CEP162: variants seen among roughly 807,000 people sequenced by gnomAD.
CEP162 encodes centrosomal protein 162.
CEP162 carries 141 observed loss-of-function variants against 169.2 expected under a neutral mutation model. The ratio of observed to expected loss-of-function variants is 0.83; its 90% CI spans 0.73 to 0.96. CEP162 has a LOEUF of 0.96. CEP162 is among the 40% of genes least tolerant of loss of function. The probability of loss-of-function intolerance (pLI) is 0.00; values close to 1 mark genes in which losing one functional copy is unlikely to be tolerated. For synonymous variants in CEP162, 540 were observed against 526.4 expected (o/e 1.03, Z -0.35); for missense variants, 1,600 against 1,587.2 (o/e 1.01, Z -0.14).
Position 84,212,948 on chromosome 6 carries a change from T to C in CEP162, c.571+9A>G, listed in dbSNP as rs1588885385. 6.7e-7 allele frequency: 1 copy of C among 1,501,338 alleles called. No individual in the cohort carries two copies. The highest frequency in any genetic ancestry group is 9.1e-7 in the Non-Finnish European group (1 of 1,103,786). The allele number at this position is 1,501,338 out of a possible 1,614,324, so 93.0% of individuals were successfully genotyped here. ...CAAATATTATAAATTTAAGAACCAA[T>C]GAAATTACCTGCCAGTTCTTCATGT... On this transcript the variant is annotated intron_variant, in intron 6 of 26. Transcript: ENST00000403245.
chr6:84,213,137 G>T, intron 5 of CEP162, 113 bp from the exon 6 acceptor site: 1 of 592,466 alleles, frequency 1.7e-6, no homozygotes, highest in Non-Finnish European at 2.8e-6. Context: ...CCTCTCTCAA[G>T]TCCTTTTGTT....
chr6:84,125,280 C>T lies in CEP162; in HGVS notation c.4006-4G>A. ...CTTGGTGTGTTTGCTGTATTATCTGCAAATACAAAAATTCCACATTGCTGT... is the reference window on the plus strand; with the variant it reads ...CTTGGTGTGTTTGCTGTATTATCTGTAAATACAAAAATTCCACATTGCTGT... On this transcript the variant is annotated splice_region_variant and splice_polypyrimidine_tract_variant and intron_variant, in intron 26 of 26. Coordinates refer to ENST00000403245, the MANE Select transcript of CEP162 (RefSeq NM_014895.4). 1 of 1,611,914 alleles carries T rather than the reference C, an allele frequency of 6.2e-7. No individual in the cohort carries two copies. Among genetic ancestry groups the T allele is most frequent in the East Asian group, 2.2e-5 (1 of 44,850 alleles).
intron 22 of CEP162, 66 bp from the exon 23 acceptor site, chr6:84,153,245 C>G (rs986553869): frequency 6.3e-6 from 9 of 1,427,180 alleles, no homozygotes; most frequent in Non-Finnish European, 8.5e-6. Flanking sequence ...TGAAGCCCTG[C>G]ACACTACTGG....
chr6:84,218,224 G>C (rs1291763568), intron 3 of CEP162, among the ~76,000 whole-genome samples: 1 of 152,156 alleles, frequency 6.6e-6, no homozygotes, highest in Non-Finnish European at 1.5e-5. Context: ...GAACAGGCAG[G>C]GGACACAGTA....
intron 11 of CEP162, among the ~76,000 whole-genome samples, chr6:84,190,547 C>T (rs2099539425): frequency 6.6e-6 from 1 of 152,030 alleles, no homozygotes; most frequent in Admixed American, 6.5e-5. Context: ...CTCCTGAGCC[C>T]AGCGAGACCA....
At chr6:84,127,847 G>A (rs980357839) in intron 25 of CEP162, among the ~76,000 whole-genome samples, 2 of 152,158 alleles carry the variant, frequency 1.3e-5, no homozygotes, top group African/African-American at 4.8e-5. Flanking sequence ...AGTGAGATAA[G>A]TGAGAACACC....
intron 18 of CEP162, among the ~76,000 whole-genome samples, chr6:84,166,600 C>A (rs1372336011): frequency 6.6e-6 from 1 of 152,094 alleles, no homozygotes; most frequent in Non-Finnish European, 1.5e-5. Flanking sequence ...GGATGAGTGC[C>A]TGGTATATGG....
chr6:84,138,487 C>A (rs1009704009), intron 25 of CEP162, among the ~76,000 whole-genome samples: 3 of 152,140 alleles, frequency 2.0e-5, no homozygotes, highest in Admixed American at 1.3e-4. Flanking sequence ...TCAAACTAGT[C>A]TTGTCAAAAC....
chr6:84,183,522 C>G (rs938875912), intron 13 of CEP162, among the ~76,000 whole-genome samples: 8 of 152,190 alleles, frequency 5.3e-5, no homozygotes, highest in African/African-American at 1.9e-4. Flanking sequence ...GTTTTGCCAC[C>G]TCACACCCTC....
chr6:84,201,034 T>C (rs2099544240), intron 8 of CEP162, 129 bp from the exon 9 acceptor site: 5 of 430,356 alleles, frequency 1.2e-5, no homozygotes, highest in Non-Finnish European at 2.1e-5. Flanking sequence ...ATCCCAGCAC[T>C]TTGGGAGGCC....
At chr6:84,147,667 A>T (rs1047357104) in intron 24 of CEP162, among the ~76,000 whole-genome samples, 1 of 152,190 alleles carries the variant, frequency 6.6e-6, no homozygotes. Flanking sequence ...TTTCATGACT[A>T]GAAAAAGTCC....
chr6:84,225,620 A>G (rs1007907969), intron 2 of CEP162, among the ~76,000 whole-genome samples: 1 of 152,200 alleles, frequency 6.6e-6, no homozygotes, highest in East Asian at 1.9e-4. Context: ...ATGTTGATAT[A>G]TAATAGCAAT....
At chr6:84,140,788 A>G (rs2099516270) in intron 25 of CEP162, among the ~76,000 whole-genome samples, 2 of 152,126 alleles carry the variant, frequency 1.3e-5, no homozygotes, top group Admixed American at 1.3e-4. Flanking sequence ...GTCTCCCAAA[A>G]TGCTAGGATT....
At chr6:84,210,518 G>A (rs1326616854) in intron 6 of CEP162, among the ~76,000 whole-genome samples, 1 of 152,212 alleles carries the variant, frequency 6.6e-6, no homozygotes, top group East Asian at 1.9e-4. Flanking sequence ...GAAGTAGTGA[G>A]CAGGGGCGGG....
At chr6:84,159,543 ATATATTTTTTTTTTTT>A (rs2099524740) in intron 21 of CEP162, among the ~76,000 whole-genome samples, 2 of 40,944 alleles carry the variant, frequency 4.9e-5, no homozygotes, top group African/African-American at 2.0e-4. Flanking sequence ...ATATATATAT[ATATATTTTTTTTTTTT>A]TTTTTTTTTT....
chr6:84,180,799 G>C (rs1204586612), intron 13 of CEP162, among the ~76,000 whole-genome samples: 3 of 152,154 alleles, frequency 2.0e-5, no homozygotes, highest in Non-Finnish European at 4.4e-5. Flanking sequence ...GGATGTGAAG[G>C]ACCTCTTCAA....
In CEP162 at chr6:84,193,934, C is replaced by T. The variant is rs118190530; in HGVS notation, c.1028-244G>A. ...CAAAAAATATCTATACATACACACA[C>T]GCTAAGTACATATTTGGTTGATCCT... On this transcript the variant is annotated intron_variant, in intron 10 of 26. Coordinates refer to ENST00000403245, the MANE Select transcript of CEP162 (RefSeq NM_014895.4). 6.1e-3 allele frequency among the ~76,000 whole-genome samples: 927 copies of T among 152,196 alleles called. 7 individuals are homozygous for T. Among genetic ancestry groups the T allele is most frequent in the Middle Eastern group, 0.01 (3 of 294 alleles).
intron 6 of CEP162, among the ~76,000 whole-genome samples, chr6:84,204,357 A>C (rs1308400007): frequency 6.6e-6 from 1 of 152,238 alleles, no homozygotes; most frequent in Non-Finnish European, 1.5e-5. Flanking sequence ...ATGTAAAAGA[A>C]TATAAATGAT....
intron 10 of CEP162, among the ~76,000 whole-genome samples, chr6:84,194,354 CAAA>C (rs569413628): frequency 1.1e-5 from 1 of 93,808 alleles, no homozygotes. Context: ...GACTCCGTCT[CAAA>C]AAAAAAAAAA....
Sources: allele counts gnomAD v4.1 joint callset (sites outside exome capture counted in the v4.1 genomes callset), GRCh38; gene constraint gnomAD v4.1.1; transcripts MANE v1.5; gene names NCBI Gene and HGNC (gene_info 2026-07-23, HGNC 2026-07-21).